BSPRY: variants seen among roughly 807,000 people sequenced by gnomAD.
BSPRY encodes B box and SPRY domain-containing protein.
BSPRY carries 33 observed loss-of-function variants against 38.0 expected under a neutral mutation model. The observed-to-expected ratio is 0.87, with a 90% CI of 0.66 to 1.16. The LOEUF is 1.16. Among genes scored for constraint, BSPRY ranks in the 50% most tolerant of loss-of-function variants. BSPRY has a pLI of 0.00. For synonymous variants in BSPRY, 224 were observed against 228.5 expected, an observed-to-expected ratio of 0.98 and a Z score of 0.18; for missense variants, 523 against 533.2, an observed-to-expected ratio of 0.98 and a Z score of 0.19.
rs775418407 is a variant in BSPRY, at chr9:113,368,367, T to A, written c.666T>A (p.Val222=). ...TGACCCAACTCTGGGCAACGGCGGT[T>A]CTTGGGTCTCTCTCAGGTTAGGAGC... ...PLLTQLWATA[V]LGSLSGTEDI... The change falls in exon 5 of 6, where the codon GTT becomes GTA. Residue 222 remains valine, a synonymous_variant. Transcript: ENST00000374183. The A allele has an allele frequency of 6.2e-7, 1 of 1,613,670 alleles. No individual in the cohort carries two copies. The highest frequency in any genetic ancestry group is 1.7e-5 in the Admixed American group (1 of 60,002).
Position 113,349,724 on chromosome 9 carries a change from G to C in BSPRY, c.145G>C (p.Gly49Arg), listed in dbSNP as rs910133200. 222 of 1,239,664 alleles carry C rather than the reference G, an allele frequency of 1.8e-4. No individual in the cohort carries two copies. Among genetic ancestry groups the C allele is most frequent in the Non-Finnish European group, 2.2e-4 (217 of 994,064 alleles). The allele number at this position is 1,239,664 out of a possible 1,614,324, so 76.8% of individuals were successfully genotyped here. ...PVCAACAGLG[G>R]RCRGHRIRRA... ...GTGCGCCGCCTGCGCGGGGTTGGGCGGTCGCTGCCGGGGGCACCGCATCCG... is the reference window on the plus strand; with the variant it reads ...GTGCGCCGCCTGCGCGGGGTTGGGCCGTCGCTGCCGGGGGCACCGCATCCG... The change falls in exon 1 of 6, where the codon GGT (glycine) becomes CGT (arginine). Residue 49 changes from glycine (G) to arginine (R), a missense_variant. By Grantham distance (125) the Gly-to-Arg change is moderately radical. Coordinates refer to ENST00000374183, the MANE Select transcript of BSPRY (RefSeq NM_017688.3).
chr9:113,368,345 C>T lies in BSPRY; in HGVS notation c.644C>T (p.Thr215Ile), dbSNP rs756270735. The T allele has an allele frequency of 5.1e-5, 83 of 1,614,022 alleles. 2 individuals are homozygous for T. The South Asian group carries it at 5.2e-4, about 10-fold the overall frequency. The change falls in exon 5 of 6, where the codon ACC (threonine) becomes ATC (isoleucine). Residue 215 changes from threonine to isoleucine, a missense_variant. Transcript: ENST00000374183. ...AAGTGCACTCGGAGCCCACTACTGA[C>T]CCAACTCTGGGCAACGGCGGTTCTT... Reference protein sequence around the residue: ...NEKCTRSPLLTQLWATAVLGS... With the variant: ...NEKCTRSPLLIQLWATAVLGS...
chr9:113,357,660 T>G (rs554463737), intron 2 of BSPRY, among the ~76,000 whole-genome samples: 5 of 152,100 alleles, frequency 3.3e-5, no homozygotes, highest in African/African-American at 1.2e-4. Flanking sequence ...AGAACCAGCT[T>G]CTAGTATTTT....
chr9:113,349,734 G>C lies in BSPRY; in HGVS notation c.155G>C (p.Arg52Pro). ...TGCGCGGGGTTGGGCGGTCGCTGCC[G>C]GGGGCACCGCATCCGCCGGGCGGAG... is the stretch of plus-strand genomic sequence containing the variant. ...AACAGLGGRC[R>P]GHRIRRAEER... is the part of the protein sequence containing the mutation. The change falls in exon 1 of 6, where the codon CGG (arginine) becomes CCG (proline). Residue 52 changes from arginine to proline, a missense_variant. Coordinates refer to ENST00000374183, the MANE Select transcript of BSPRY (RefSeq NM_017688.3). 8.1e-7 allele frequency: 1 copy of C among 1,238,854 alleles called. No homozygotes were observed. Among genetic ancestry groups the C allele is most frequent in the Non-Finnish European group, 1.0e-6 (1 of 993,182 alleles). The allele number at this position is 1,238,854 out of a possible 1,614,324, so 76.7% of individuals were successfully genotyped here.
Position 113,354,285 on chromosome 9 carries a change from G to A in BSPRY, c.247G>A (p.Ala83Thr), listed in dbSNP as rs772823188. ...TGAGAGGCTGCAGTTACAGAGTGCT[G>A]CCATCACCAAGTATGTGGCGGACGT... ...QCERLQLQSA[A>T]ITKYVADVLP... Residue 83 changes from alanine to threonine, a missense_variant, in exon 2 of 6, where the codon GCC becomes ACC. By Grantham distance (58) the Ala-to-Thr change is moderately conservative (BLOSUM62 0). Coordinates refer to ENST00000374183, the MANE Select transcript of BSPRY (RefSeq NM_017688.3). The A allele has an allele frequency of 6.2e-7, 1 of 1,614,024 alleles. No individual in the cohort carries two copies. The highest frequency in any genetic ancestry group is 8.5e-7 in the Non-Finnish European group (1 of 1,180,024).
chr9:113,363,876 CAAAAAAAAAAAAAAAA>C (rs57026104), intron 4 of BSPRY, among the ~76,000 whole-genome samples: 2 of 37,568 alleles, frequency 5.3e-5, no homozygotes, highest in Non-Finnish European at 5.1e-5. Context: ...GACTCCACCT[CAAAAAAAAAAAAAAAA>C]AAAAAAAAAA....
chr9:113,362,930 G>A (rs1834178044), intron 4 of BSPRY, among the ~76,000 whole-genome samples: 1 of 152,226 alleles, frequency 6.6e-6, no homozygotes, highest in Admixed American at 6.5e-5. Context: ...AGGGCCTGAG[G>A]AAGTGGCCAA....
chr9:113,362,465 T>C, intron 4 of BSPRY, 71 bp downstream of exon 4: 1 of 1,493,878 alleles, frequency 6.7e-7, no homozygotes, highest in Non-Finnish European at 9.3e-7. Context: ...TCCACTGCCT[T>C]CAGCCCTGCT....
chr9:113,361,778 G>T (rs530359602), intron 3 of BSPRY, among the ~76,000 whole-genome samples: 1 of 152,278 alleles, frequency 6.6e-6, no homozygotes, highest in East Asian at 1.9e-4. Context: ...AAATCACCAT[G>T]ATTCATATTT....
intron 2 of BSPRY, among the ~76,000 whole-genome samples, chr9:113,355,011 A>G (rs374622403): frequency 4.5e-4 from 69 of 152,288 alleles, no homozygotes; most frequent in African/African-American, 1.6e-3. Context: ...GCCTGCCACC[A>G]TGAGTGGCTA....
At chr9:113,363,504 G>C (rs915617634) in intron 4 of BSPRY, among the ~76,000 whole-genome samples, 2 of 152,094 alleles carry the variant, frequency 1.3e-5, no homozygotes, top group Admixed American at 6.5e-5. Flanking sequence ...CCTATTCCCT[G>C]ACAGTGATGG....
At position 113,349,613 on chromosome 9, in the gene BSPRY, T is replaced by G; in HGVS notation, c.34T>G (p.Ser12Ala). Reference sequence around the variant, plus strand: ...CGAGGGCGCGGAGCCGGGGCCGGGGTCCGGGTCCGGGCCCGGGCCGGGGCC... The same window carrying G: ...CGAGGGCGCGGAGCCGGGGCCGGGGGCCGGGTCCGGGCCCGGGCCGGGGCC... ...SAEGAEPGPG[S>A]GSGPGPGPLC... Residue 12 changes from serine (S) to alanine (A), a missense_variant, in exon 1 of 6, where the codon TCC becomes GCC. Coordinates refer to ENST00000374183, the MANE Select transcript of BSPRY (RefSeq NM_017688.3). 1 of 1,194,996 alleles carries G rather than the reference T, an allele frequency of 8.4e-7. No individual in the cohort carries two copies. Among genetic ancestry groups the G allele is most frequent in the South Asian group, 3.9e-5 (1 of 25,682 alleles). 74.0% of individuals were successfully genotyped at this position (1,194,996 alleles called of 1,614,324 possible).
chr9:113,358,199 G>A lies in BSPRY; in HGVS notation c.301-2308G>A, dbSNP rs533165579. Among the ~76,000 whole-genome samples the A allele has an allele frequency of 5.3e-5, 8 of 151,142 alleles. No individual in the cohort carries two copies. In the South Asian group the frequency reaches 1.7e-3, roughly 32 times the overall value. Reference sequence around the variant, plus strand: ...GGAGTTTGAGGCTGCAGTGAGCTATGATTGCATCACTGCATTCTAGCCTGG... The same window carrying A: ...GGAGTTTGAGGCTGCAGTGAGCTATAATTGCATCACTGCATTCTAGCCTGG... On this transcript the variant is annotated intron_variant, in intron 2 of 5. Coordinates refer to ENST00000374183, the MANE Select transcript of BSPRY (RefSeq NM_017688.3).
At chr9:113,358,057 G>A (rs1834092143) in intron 2 of BSPRY, among the ~76,000 whole-genome samples, 1 of 149,378 alleles carries the variant, frequency 6.7e-6, no homozygotes, top group South Asian at 2.1e-4. Context: ...AGACTGTTTT[G>A]GGCAATATAG....
chr9:113,354,010 T>C (rs1834015067), intron 1 of BSPRY, among the ~76,000 whole-genome samples: 1 of 152,190 alleles, frequency 6.6e-6, no homozygotes. Flanking sequence ...GAGCTGTTGC[T>C]GGAATAGGTA....
At chr9:113,359,048 GAAAAA>G (rs55988289) in intron 2 of BSPRY, among the ~76,000 whole-genome samples, 23,455 of 86,562 alleles carry the variant, frequency 0.27, 2,193 homozygotes, top group South Asian at 0.32. Flanking sequence ...GAAAAGAAAA[GAAAAA>G]AAAAAGATAA....
At position 113,370,680 on chromosome 9, in the gene BSPRY, G is replaced by A. The variant is rs1348230135; in HGVS notation, c.*538G>A. The A allele has an allele frequency of 1.3e-5, 2 of 152,340 alleles. No homozygotes were observed. Among genetic ancestry groups the A allele is most frequent in the Non-Finnish European group, 2.9e-5 (2 of 68,182 alleles). The allele number at this position is 152,340 out of a possible 1,614,324, so 9.4% of individuals were successfully genotyped here. ...TGGCAGGTGAGTGGATGGATAGATGGATAGGTGAATGTAGGTGGACAGGTG... is the reference window on the plus strand; with the variant it reads ...TGGCAGGTGAGTGGATGGATAGATGAATAGGTGAATGTAGGTGGACAGGTG... On this transcript the variant is annotated 3_prime_UTR_variant, in exon 6 of 6. Transcript: ENST00000374183. The surrounding 1 kb of genome is among the most constrained non-coding windows in gnomAD (Gnocchi z 4.8).
chr9:113,358,045 CG>C lies in BSPRY; in HGVS notation c.301-2461del, dbSNP rs146787561. 7.0e-3 allele frequency among the ~76,000 whole-genome samples: 1,043 copies of C among 148,854 alleles called. 10 individuals are homozygous for C. The highest frequency in any genetic ancestry group is 0.025 in the Middle Eastern group (7 of 282). On this transcript the variant is annotated intron_variant, in intron 2 of 5. Transcript: ENST00000374183. ...GGAGGATCACTTGAACCCAGGAGTTCGAGACTGTTTTGGGCAATATAGCAAG... is the reference window on the plus strand; with the variant it reads ...GGAGGATCACTTGAACCCAGGAGTTCAGACTGTTTTGGGCAATATAGCAAG...
chr9:113,357,271 A>G (rs1348879299), intron 2 of BSPRY, among the ~76,000 whole-genome samples: 1 of 152,228 alleles, frequency 6.6e-6, no homozygotes, highest in Non-Finnish European at 1.5e-5. Flanking sequence ...ATCTTATCAC[A>G]GGCATAGATT....
Sources: allele counts gnomAD v4.1 joint callset (sites outside exome capture counted in the v4.1 genomes callset), GRCh38; gene constraint gnomAD v4.1.1; non-coding constraint Gnocchi (gnomAD v3.1); transcripts MANE v1.5; gene names NCBI Gene and HGNC (gene_info 2026-07-23, HGNC 2026-07-21).